DLEU7: variants seen among roughly 807,000 people sequenced by gnomAD.
DLEU7 encodes leukemia-associated protein 7.
DLEU7 carries 17 observed loss-of-function variants against 16.0 expected under a neutral mutation model. That is an observed-to-expected ratio of 1.06 (90% CI 0.73 to 1.59). DLEU7 has a LOEUF of 1.59. Among genes scored for constraint, DLEU7 ranks in the 40% most tolerant of loss-of-function variants. The pLI is 0.00. For missense variants in DLEU7, 308 were observed against 314.9 expected, an observed-to-expected ratio of 0.98 and a Z score of 0.17; for synonymous variants, 113 against 139.8, an observed-to-expected ratio of 0.81 and a Z score of 1.35.
chr13:50,829,179 G>A (rs1452896782), intron 1 of DLEU7, among the ~76,000 whole-genome samples: 1 of 152,114 alleles, frequency 6.6e-6, no homozygotes, highest in Non-Finnish European at 1.5e-5. Context: ...CCAAAAAATT[G>A]GACATCCCTG....
chr13:50,713,490 C>T (rs1225533675), intron 1 of DLEU7, among the ~76,000 whole-genome samples: 1 of 152,142 alleles, frequency 6.6e-6, no homozygotes, highest in Non-Finnish European at 1.5e-5. Flanking sequence ...TATCTTTATA[C>T]TTTATATTAA....
intron 1 of DLEU7, among the ~76,000 whole-genome samples, chr13:50,801,366 A>G (rs754588281): frequency 6.6e-6 from 1 of 152,118 alleles, no homozygotes; most frequent in Admixed American, 6.6e-5. Flanking sequence ...CCAGGTGACC[A>G]TTCTTTAGCA....
At chr13:50,771,569 C>A (rs1178963644) in intron 1 of DLEU7, among the ~76,000 whole-genome samples, 1 of 152,254 alleles carries the variant, frequency 6.6e-6, no homozygotes, top group East Asian at 1.9e-4. Context: ...TGTAGTTGTG[C>A]AGTTTTGAGT....
chr13:50,724,860 A>G (rs182085759), intron 1 of DLEU7, among the ~76,000 whole-genome samples: 19 of 152,288 alleles, frequency 1.2e-4, no homozygotes, highest in Non-Finnish European at 1.5e-4. Flanking sequence ...AGTGACTCTG[A>G]GGGTCCCATG....
At chr13:50,772,128 C>T (rs1450693933) in intron 1 of DLEU7, among the ~76,000 whole-genome samples, 1 of 152,170 alleles carries the variant, frequency 6.6e-6, no homozygotes, top group African/African-American at 2.4e-5. Context: ...GTAGATCTTC[C>T]TCCATCCCTT....
At chr13:50,767,670 GC>G (rs1305350270) in intron 1 of DLEU7, among the ~76,000 whole-genome samples, 1 of 152,056 alleles carries the variant, frequency 6.6e-6, no homozygotes, top group African/African-American at 2.4e-5. Context: ...AGAATTCAAG[GC>G]ATCACCAAAT....
chr13:50,733,289 C>T (rs571064548), intron 1 of DLEU7, among the ~76,000 whole-genome samples: 103 of 152,274 alleles, frequency 6.8e-4, no homozygotes, highest in African/African-American at 2.4e-3. Context: ...TTTTAACCAG[C>T]CTGAGAACCA....
intron 1 of DLEU7, among the ~76,000 whole-genome samples, chr13:50,713,826 G>C (rs559714811): frequency 6.6e-6 from 1 of 152,168 alleles, no homozygotes; most frequent in Non-Finnish European, 1.5e-5. Flanking sequence ...GCAGCAACAC[G>C]GGATGGGGAC....
chr13:50,829,766 G>C (rs1877203637), intron 1 of DLEU7, among the ~76,000 whole-genome samples: 1 of 152,098 alleles, frequency 6.6e-6, no homozygotes, highest in East Asian at 1.9e-4. Flanking sequence ...CTTAAGCCAG[G>C]GTAGGGAAAA....
chr13:50,791,908 T>G (rs1268302661), intron 1 of DLEU7, among the ~76,000 whole-genome samples: 1 of 152,166 alleles, frequency 6.6e-6, no homozygotes, highest in Non-Finnish European at 1.5e-5. Flanking sequence ...GTAACAGCAT[T>G]TTTTTACACA....
chr13:50,752,505 C>T (rs531351108), intron 1 of DLEU7, among the ~76,000 whole-genome samples: 2 of 152,222 alleles, frequency 1.3e-5, no homozygotes, highest in Non-Finnish European at 2.9e-5. Context: ...TGGACCCTCG[C>T]GGTGAGTGTT....
chr13:50,813,496 C>T (rs1160945652), intron 1 of DLEU7, among the ~76,000 whole-genome samples: 8 of 151,906 alleles, frequency 5.3e-5, no homozygotes, highest in Admixed American at 2.6e-4. Flanking sequence ...ACAAATTTCC[C>T]TCTGATTAGA....
intron 1 of DLEU7, among the ~76,000 whole-genome samples, chr13:50,828,313 G>A (rs1262187647): frequency 6.6e-6 from 1 of 152,106 alleles, no homozygotes; most frequent in African/African-American, 2.4e-5. Context: ...ATATCAGAAA[G>A]ACTCTATCAT....
At chr13:50,733,081 G>A (rs1264619594) in intron 1 of DLEU7, among the ~76,000 whole-genome samples, 9 of 152,174 alleles carry the variant, frequency 5.9e-5, no homozygotes, top group Non-Finnish European at 1.2e-4. Context: ...TTGTCAGAGG[G>A]AAATAGAAGA....
chr13:50,772,243 T>C (rs1242984788), intron 1 of DLEU7, among the ~76,000 whole-genome samples: 3 of 152,234 alleles, frequency 2.0e-5, no homozygotes, highest in Non-Finnish European at 2.9e-5. Flanking sequence ...TGTCTTTTAA[T>C]TGGAGCATTT....
chr13:50,823,580 A>G, intron 1 of DLEU7, 60 bp from the exon 2 acceptor site: 1 of 1,516,626 alleles, frequency 6.6e-7, no homozygotes, highest in Non-Finnish European at 8.8e-7. Context: ...CAATTGTTGT[A>G]CTTTGCTTAC....
At chr13:50,813,357 G>A (rs534778341) in intron 1 of DLEU7, among the ~76,000 whole-genome samples, 2 of 151,994 alleles carry the variant, frequency 1.3e-5, no homozygotes, top group South Asian at 2.1e-4. Context: ...TTTAAACATC[G>A]AAGTGATAAC....
At chr13:50,827,852 T>G (rs995515283) in intron 1 of DLEU7, among the ~76,000 whole-genome samples, 1 of 152,180 alleles carries the variant, frequency 6.6e-6, no homozygotes, top group Non-Finnish European at 1.5e-5. Context: ...ACTCACCTTT[T>G]GGAAGATAAT....
chr13:50,804,166 AT>A (rs1876325595), intron 1 of DLEU7, among the ~76,000 whole-genome samples: 1 of 151,192 alleles, frequency 6.6e-6, no homozygotes, highest in African/African-American at 2.4e-5. Flanking sequence ...TGTATTTTCT[AT>A]TTTTTCCCCT....
Sources: gnomAD v4.1 joint callset for allele counts (sites outside exome capture counted in the v4.1 genomes callset) on GRCh38, gnomAD v4.1.1 for gene constraint, MANE v1.5 for transcripts, NCBI Gene and HGNC (gene_info 2026-07-23, HGNC 2026-07-21) for gene names.